PLXNA4: variants seen among roughly 807,000 people sequenced by gnomAD.
The protein encoded by PLXNA4 is plexin-A4.
A neutral mutation model predicts 191.8 loss-of-function variants in PLXNA4; 44 were observed. The ratio of observed to expected loss-of-function variants is 0.23; its 90% CI spans 0.18 to 0.29. The LOEUF (loss-of-function observed/expected upper bound fraction) is 0.29, where lower values mean the gene tolerates loss of function less well. Ranked by LOEUF, PLXNA4 falls within the 10% of genes least tolerant of loss-of-function variation. The pLI, the probability that PLXNA4 is intolerant of heterozygous loss-of-function variation, is 1.00. For synonymous variants in PLXNA4, 1,082 were observed against 1,009.5 expected, an observed-to-expected ratio of 1.07 and a Z score of -1.36; for missense variants, 1,800 against 2,488.8, an observed-to-expected ratio of 0.72 and a Z score of 5.89.
intron 3 of PLXNA4, among the ~76,000 whole-genome samples, chr7:132,351,455 G>A (rs1772618845): frequency 1.3e-5 from 2 of 152,134 alleles, no homozygotes; most frequent in Non-Finnish European, 2.9e-5. Flanking sequence ...GATAAGACTT[G>A]CCCATGGCTG....
intron 3 of PLXNA4, among the ~76,000 whole-genome samples, chr7:132,408,913 A>T (rs184084003): frequency 1.6e-5 from 2 of 127,954 alleles, no homozygotes; most frequent in Non-Finnish European, 3.1e-5. Context: ...GGATCACATG[A>T]TCTCTAAAAC....
At chr7:132,313,586 G>T (rs1250798594) in intron 3 of PLXNA4, among the ~76,000 whole-genome samples, 1 of 152,152 alleles carries the variant, frequency 6.6e-6, no homozygotes, top group African/African-American at 2.4e-5. Context: ...AATGCCGTGT[G>T]GGTGGAAAGA....
Position 132,574,559 on chromosome 7 carries a change from T to C in PLXNA4, c.-87+1863A>G, listed in dbSNP as rs940697142. ...TGAGAACGCATGTGTGTATATATAT[T>C]GGGTGTGTGTGTGCACACGCCCACC... is the stretch of plus-strand genomic sequence containing the variant. On this transcript the variant is annotated intron_variant, in intron 1 of 31. Coordinates refer to ENST00000321063, the MANE Select transcript of PLXNA4 (RefSeq NM_020911.2). Among the ~76,000 whole-genome samples the C allele has an allele frequency of 3.3e-5, 5 of 152,328 alleles. No homozygotes were observed. In the South Asian group the frequency reaches 6.2e-4, roughly 19 times the overall value.
intron 2 of PLXNA4, among the ~76,000 whole-genome samples, chr7:132,629,201 A>G (rs1391991): frequency 0.66 from 99,924 of 152,056 alleles, 33,304 homozygotes; most frequent in Middle Eastern, 0.7. Context: ...CCAGCATTCC[A>G]GGAAGCTGAA....
intron 3 of PLXNA4, among the ~76,000 whole-genome samples, chr7:132,337,238 C>T (rs1362996793): frequency 6.6e-5 from 10 of 152,192 alleles, no homozygotes; most frequent in East Asian, 3.8e-4. Context: ...CACTTGCAAA[C>T]GTGCTGTAGA....
chr7:132,463,280 A>G (rs113740784), intron 3 of PLXNA4, among the ~76,000 whole-genome samples: 1,723 of 152,274 alleles, frequency 0.011, 17 homozygotes, highest in Middle Eastern at 0.034. Context: ...TATCCAGCAC[A>G]GGTTAGGTTT....
intron 4 of PLXNA4, among the ~76,000 whole-genome samples, chr7:132,245,393 C>T (rs188355880): frequency 5.9e-5 from 9 of 152,292 alleles, no homozygotes; most frequent in Non-Finnish European, 1.2e-4. Context: ...AGCCCCATCA[C>T]CTCTGGGGAC....
At position 132,508,294 on chromosome 7, in the gene PLXNA4, A is replaced by G; in HGVS notation, c.400T>C (p.Tyr134His). ...CTCAGCAGCTTGCAGATGCCTTGGT[A>G]CAGGCTCCCACAGGCAATCAGCCTG... ...ENRLIACGSL[Y>H]QGICKLLRLE... is the part of the protein sequence containing the mutation. The change falls in exon 2 of 32, where the codon TAC (tyrosine) becomes CAC (histidine). Residue 134 changes from tyrosine to histidine, a missense_variant. By Grantham distance (83) the Tyr-to-His change is moderately conservative (BLOSUM62 2). Transcript: ENST00000321063. This position sits in a 1 kb window ranked among gnomAD's most constrained non-coding sequence, Gnocchi z 4.4. The G allele has an allele frequency of 6.2e-7, 1 of 1,614,180 alleles. No individual in the cohort carries two copies. The highest frequency in any genetic ancestry group is 1.1e-5 in the South Asian group (1 of 91,080).
intron 2 of PLXNA4, among the ~76,000 whole-genome samples, chr7:132,645,259 C>A (rs140389859): frequency 7.0e-4 from 107 of 152,290 alleles, no homozygotes; most frequent in Middle Eastern, 3.4e-3. Flanking sequence ...ATAATCCTCA[C>A]ATATCGAGGG....
chr7:132,162,254 A>T (rs17166204), intron 24 of PLXNA4, among the ~76,000 whole-genome samples: 6,752 of 152,296 alleles, frequency 0.044, 222 homozygotes, highest in African/African-American at 0.094. Context: ...CCAGGCCTGA[A>T]GGTGGCTATT....
At chr7:132,276,411 T>G (rs1052945081) in intron 4 of PLXNA4, among the ~76,000 whole-genome samples, 2 of 152,156 alleles carry the variant, frequency 1.3e-5, no homozygotes, top group Non-Finnish European at 2.9e-5. Flanking sequence ...CCCAGAGACT[T>G]CCTCCTACTC....
At chr7:132,463,938 T>G (rs924528512) in intron 3 of PLXNA4, among the ~76,000 whole-genome samples, 1 of 152,112 alleles carries the variant, frequency 6.6e-6, no homozygotes, top group Non-Finnish European at 1.5e-5. Flanking sequence ...GTCCAATACA[T>G]CTCAGGGTCC....
intron 3 of PLXNA4, among the ~76,000 whole-genome samples, chr7:132,379,790 C>T (rs905338614): frequency 1.9e-4 from 29 of 152,340 alleles, no homozygotes; most frequent in African/African-American, 6.5e-4. Flanking sequence ...TAGCTCTTCA[C>T]AGTCACTCTG....
chr7:132,245,961 G>A (rs1296343090), intron 4 of PLXNA4, among the ~76,000 whole-genome samples: 4 of 152,200 alleles, frequency 2.6e-5, no homozygotes, highest in African/African-American at 9.7e-5. Flanking sequence ...ACTCTTTAAT[G>A]GGCAAAGACT....
At chr7:132,145,709 C>T (rs1211058641) in intron 28 of PLXNA4, among the ~76,000 whole-genome samples, 1 of 152,056 alleles carries the variant, frequency 6.6e-6, no homozygotes, top group Non-Finnish European at 1.5e-5. Flanking sequence ...GAGAGCAGAG[C>T]TGAGCCCAGT....
intron 3 of PLXNA4, among the ~76,000 whole-genome samples, chr7:132,396,574 T>C (rs1465809226): frequency 6.6e-6 from 1 of 152,214 alleles, no homozygotes. Flanking sequence ...TGCTACAACC[T>C]CCGCCTCCCA....
At chr7:132,185,136 G>A (rs3734982) in intron 16 of PLXNA4, among the ~76,000 whole-genome samples, 163 bp downstream of exon 16, 10,836 of 152,118 alleles carry the variant, frequency 0.071, 954 homozygotes, top group African/African-American at 0.18. Context: ...GTGGAAGGAG[G>A]GAGCCACAGT....
chr7:132,391,260 A>G (rs1184380117), intron 3 of PLXNA4, among the ~76,000 whole-genome samples: 1 of 152,218 alleles, frequency 6.6e-6, no homozygotes, highest in African/African-American at 2.4e-5. Context: ...GCCCAGCATC[A>G]GTCTCAGGGC....
At chr7:132,276,211 C>G (rs1800271617) in intron 4 of PLXNA4, among the ~76,000 whole-genome samples, 1 of 152,212 alleles carries the variant, frequency 6.6e-6, no homozygotes, top group Non-Finnish European at 1.5e-5. Context: ...CCTCTCCACT[C>G]TGTCAAAGGA....
Sources: allele counts gnomAD v4.1 joint callset (sites outside exome capture counted in the v4.1 genomes callset), GRCh38; gene constraint gnomAD v4.1.1; non-coding constraint Gnocchi (gnomAD v3.1); transcripts MANE v1.5; gene names NCBI Gene and HGNC (gene_info 2026-07-23, HGNC 2026-07-21).